Variants in PXDNL observed in about 807,000 individuals in gnomAD.
PXDNL encodes the protein peroxidasin like, also known as probable oxidoreductase PXDNL.
Under a neutral mutation model 150.8 loss-of-function variants are expected in PXDNL, and 145 were observed. The ratio of observed to expected loss-of-function variants is 0.96; its 90% CI spans 0.84 to 1.10. The LOEUF is 1.10. Ranked by LOEUF, PXDNL falls within the 50% of genes least tolerant of loss-of-function variation. The probability of loss-of-function intolerance (pLI) is 0.00; values close to 1 mark genes in which losing one functional copy is unlikely to be tolerated. For missense variants in PXDNL, 2,087 were observed against 1,873.9 expected, an observed-to-expected ratio of 1.11 and a Z score of -2.10; for synonymous variants, 757 against 725.7, an observed-to-expected ratio of 1.04 and a Z score of -0.69.
intron 19 of PXDNL, among the ~76,000 whole-genome samples, chr8:51,362,511 T>C (rs1341876797): frequency 2.6e-5 from 4 of 152,280 alleles, no homozygotes; most frequent in South Asian, 2.1e-4. Flanking sequence ...TCAATTTACA[T>C]AACAAGTCAA....
At chr8:51,631,301 GA>G (rs34065835) in intron 2 of PXDNL, among the ~76,000 whole-genome samples, 10,503 of 152,038 alleles carry the variant, frequency 0.069, 593 homozygotes, top group African/African-American at 0.16. Context: ...TGGGAGGAGG[GA>G]AAAAAATTGA....
chr8:51,584,316 C>T (rs1340953666), intron 3 of PXDNL, among the ~76,000 whole-genome samples: 2 of 152,164 alleles, frequency 1.3e-5, no homozygotes, highest in Non-Finnish European at 2.9e-5. Context: ...CTCTGTAAGG[C>T]AGGGAATACT....
At chr8:51,782,442 T>C (rs1265693150) in intron 1 of PXDNL, among the ~76,000 whole-genome samples, 1 of 152,228 alleles carries the variant, frequency 6.6e-6, no homozygotes, top group African/African-American at 2.4e-5. Flanking sequence ...GCAGGACTAA[T>C]CACAGCCTTT....
At chr8:51,433,572 T>C (rs1368683974) in intron 12 of PXDNL, among the ~76,000 whole-genome samples, 1 of 152,178 alleles carries the variant, frequency 6.6e-6, no homozygotes, top group Admixed American at 6.5e-5. Flanking sequence ...GGGTTGACTT[T>C]TAGAACATTT....
At chr8:51,374,028 C>T (rs28696687) in intron 18 of PXDNL, among the ~76,000 whole-genome samples, 7,244 of 152,240 alleles carry the variant, frequency 0.048, 544 homozygotes, top group African/African-American at 0.16. Context: ...ACATTTTAGA[C>T]AAACCAAGAA....
At chr8:51,654,595 G>T (rs552792851) in intron 2 of PXDNL, 94 bp downstream of exon 2, 17 of 894,042 alleles carry the variant, frequency 1.9e-5, no homozygotes, top group Admixed American at 9.8e-5. Context: ...TCTTCTACTA[G>T]CTGTTCTTGA....
At chr8:51,483,031 G>T (rs897614320) in intron 6 of PXDNL, among the ~76,000 whole-genome samples, 3 of 152,126 alleles carry the variant, frequency 2.0e-5, no homozygotes, top group African/African-American at 7.2e-5. Context: ...AGTGGAGGGG[G>T]TGGGTAACCA....
chr8:51,526,048 T>G (rs1215282666), intron 4 of PXDNL, among the ~76,000 whole-genome samples: 1 of 152,204 alleles, frequency 6.6e-6, no homozygotes, highest in Admixed American at 6.5e-5. Flanking sequence ...TGTATAGTTT[T>G]TTCCCCCTCA....
chr8:51,460,633 T>A (rs559698273), intron 8 of PXDNL, among the ~76,000 whole-genome samples: 2 of 151,580 alleles, frequency 1.3e-5, no homozygotes, highest in East Asian at 3.9e-4. Flanking sequence ...CCGTTCCTAG[T>A]CCTGATCAGG....
At chr8:51,532,997 G>GA (rs35198762) in intron 4 of PXDNL, among the ~76,000 whole-genome samples, 30,685 of 151,636 alleles carry the variant, frequency 0.2, 3,317 homozygotes, top group Admixed American at 0.29. Context: ...AAAAGGAAAA[G>GA]AAAAAAAAGT....
intron 1 of PXDNL, among the ~76,000 whole-genome samples, chr8:51,766,976 A>G (rs566058082): frequency 2.0e-5 from 3 of 151,880 alleles, no homozygotes; most frequent in Non-Finnish European, 4.4e-5. Flanking sequence ...TACCCCATGG[A>G]GCTTTTTAGA....
At position 51,408,984 on chromosome 8, in the gene PXDNL, T is replaced by C. The variant is rs370081259; in HGVS notation, c.2640A>G (p.Ser880=). Reference sequence around the variant, plus strand: ...GGTTGATCTGCTCTCGTGCATAGACTGAATCCACCGTCGCAGAGGGACGGC... The same window carrying C: ...GGTTGATCTGCTCTCGTGCATAGACCGAATCCACCGTCGCAGAGGGACGGC... The part of the protein sequence containing the change: ...ASGRPSATVD[S]VYAREQINQQ... Residue 880 remains serine, a synonymous_variant, in exon 17 of 23, where the codon TCA becomes TCG. Coordinates refer to ENST00000356297, the MANE Select transcript of PXDNL (RefSeq NM_144651.5). The C allele has an allele frequency of 1.4e-4, 231 of 1,611,802 alleles. No individual in the cohort carries two copies. The highest frequency in any genetic ancestry group is 1.9e-4 in the Non-Finnish European group (221 of 1,179,858).
chr8:51,497,361 G>A (rs914351424), intron 5 of PXDNL, among the ~76,000 whole-genome samples: 1 of 152,124 alleles, frequency 6.6e-6, no homozygotes. Context: ...TACCATTCAG[G>A]ACATAGGCAT....
intron 17 of PXDNL, among the ~76,000 whole-genome samples, chr8:51,403,642 C>G (rs1808337470): frequency 1.3e-5 from 2 of 152,174 alleles, no homozygotes; most frequent in African/African-American, 4.8e-5. Context: ...CTCAAATGTC[C>G]TTCTTGGCAC....
At chr8:51,355,976 C>T (rs950003560) in intron 19 of PXDNL, among the ~76,000 whole-genome samples, 6 of 152,072 alleles carry the variant, frequency 3.9e-5, no homozygotes, top group South Asian at 2.1e-4. Flanking sequence ...GAAAGTATAA[C>T]GAAAGGAAAA....
chr8:51,657,888 C>T (rs976362644), intron 1 of PXDNL, among the ~76,000 whole-genome samples: 3 of 152,144 alleles, frequency 2.0e-5, no homozygotes, highest in Non-Finnish European at 4.4e-5. Context: ...CAGACATAAG[C>T]TCTTCTGCCA....
intron 4 of PXDNL, among the ~76,000 whole-genome samples, chr8:51,502,095 T>A (rs866358241): frequency 8.5e-5 from 13 of 152,166 alleles, no homozygotes; most frequent in African/African-American, 2.4e-4. Context: ...CAAAAAAAAA[T>A]TTATTGTCCT....
At chr8:51,445,053 G>T (rs1479022237) in intron 12 of PXDNL, among the ~76,000 whole-genome samples, 4 of 151,808 alleles carry the variant, frequency 2.6e-5, no homozygotes. Context: ...CCGAGTAGCT[G>T]GGACTACAGG....
chr8:51,370,496 T>C (rs978400001), intron 19 of PXDNL, among the ~76,000 whole-genome samples: 7 of 152,220 alleles, frequency 4.6e-5, no homozygotes, highest in African/African-American at 1.7e-4. Context: ...TATTCCTGGA[T>C]CTAATCACTA....
Sources: gnomAD v4.1 joint callset for allele counts (sites outside exome capture counted in the v4.1 genomes callset) on GRCh38, gnomAD v4.1.1 for gene constraint, MANE v1.5 for transcripts, NCBI Gene and HGNC (gene_info 2026-07-23, HGNC 2026-07-21) for gene names.